The following SGCZ variants were observed in gnomAD, a reference collection of about 807,000 sequenced individuals.
The protein encoded by SGCZ is sarcoglycan zeta.
Under a neutral mutation model 41.3 loss-of-function variants are expected in SGCZ, and 40 were observed. The ratio of observed to expected loss-of-function variants is 0.97; its 90% CI spans 0.75 to 1.26. The LOEUF (loss-of-function observed/expected upper bound fraction) is 1.26. Ranked by LOEUF, SGCZ falls within the 50% of genes most tolerant of loss-of-function variation. The pLI, the probability that SGCZ is intolerant of heterozygous loss-of-function variation, is 0.00. For missense variants in SGCZ, 552 were observed against 369.8 expected, an observed-to-expected ratio of 1.49 and a Z score of -4.04; for synonymous variants, 206 against 137.5, an observed-to-expected ratio of 1.50 and a Z score of -3.49.
chr8:14,479,745 T>TTTTTTTTTTTTTTTTTTTTTTTC (rs1801477073), intron 2 of SGCZ, among the ~76,000 whole-genome samples: 1 of 102,022 alleles, frequency 9.8e-6, no homozygotes, highest in African/African-American at 3.6e-5. Context: ...TTTTTTTTTT[T>TTTTTTTTTTTTTTTTTTTTTTTC]TTTTTTTTTT....
chr8:14,992,154 C>A (rs1287112312), intron 1 of SGCZ, among the ~76,000 whole-genome samples: 2 of 151,198 alleles, frequency 1.3e-5, no homozygotes, highest in East Asian at 3.9e-4. Context: ...ACCTCTCCCC[C>A]ATCATCCTCA....
At chr8:14,879,399 T>C (rs1010010165) in intron 1 of SGCZ, 1 of 151,914 alleles carries the variant, frequency 6.6e-6, no homozygotes, top group African/African-American at 2.4e-5. Flanking sequence ...AAACTAATCA[T>C]AGAACTAGAA....
At chr8:15,064,196 A>G (rs1237927236) in intron 1 of SGCZ, among the ~76,000 whole-genome samples, 2 of 152,162 alleles carry the variant, frequency 1.3e-5, no homozygotes, top group Non-Finnish European at 2.9e-5. Context: ...AAACTCTTGC[A>G]TCTGAATACT....
chr8:14,495,753 C>A (rs543065748), intron 2 of SGCZ, among the ~76,000 whole-genome samples: 139 of 151,436 alleles, frequency 9.2e-4, no homozygotes, highest in African/African-American at 3.1e-3. Flanking sequence ...ATTGCTCCTG[C>A]CATAATGAGA....
intron 1 of SGCZ, among the ~76,000 whole-genome samples, chr8:15,155,926 C>T (rs896546279): frequency 3.3e-5 from 5 of 151,732 alleles, no homozygotes; most frequent in Admixed American, 6.6e-5. Context: ...GGTGTAGTGG[C>T]GCACACCTGT....
chr8:14,141,266 T>A (rs1349193416), intron 5 of SGCZ, among the ~76,000 whole-genome samples: 2 of 152,110 alleles, frequency 1.3e-5, no homozygotes, highest in Non-Finnish European at 2.9e-5. Context: ...GGCAAGAACT[T>A]CAGGACTAAA....
chr8:14,442,394 G>C (rs1800297233), intron 2 of SGCZ, among the ~76,000 whole-genome samples: 1 of 152,146 alleles, frequency 6.6e-6, no homozygotes, highest in Non-Finnish European at 1.5e-5. Flanking sequence ...CCATGATTGT[G>C]AAGCCTCTTC....
chr8:14,157,643 A>G (rs1803918077), intron 5 of SGCZ, among the ~76,000 whole-genome samples: 1 of 152,080 alleles, frequency 6.6e-6, no homozygotes, highest in African/African-American at 2.4e-5. Flanking sequence ...TGTTGAAAGT[A>G]CAGGAAATGT....
In SGCZ at chr8:14,657,100, G is replaced by C. The variant is rs148446358; in HGVS notation, c.40-102174C>G. On this transcript the variant is annotated intron_variant, in intron 1 of 7. Transcript: ENST00000382080. ...ATTTTCAATAACTTTTTAAATTAATGAGGTTTGTAAATGTTTACATATCTT... is the reference window on the plus strand; with the variant it reads ...ATTTTCAATAACTTTTTAAATTAATCAGGTTTGTAAATGTTTACATATCTT... Among the ~76,000 whole-genome samples, 243 of 152,080 alleles carry C rather than the reference G, an allele frequency of 1.6e-3. 2 individuals are homozygous for C. In the South Asian group the frequency reaches 0.017, roughly 11 times the overall value.
At chr8:14,589,533 T>C (rs1042920126) in intron 1 of SGCZ, among the ~76,000 whole-genome samples, 1 of 152,140 alleles carries the variant, frequency 6.6e-6, no homozygotes, top group African/African-American at 2.4e-5. Flanking sequence ...GTTCAGGCAG[T>C]CTTTCAAAAA....
chr8:15,028,480 G>A (rs893413212), intron 1 of SGCZ, among the ~76,000 whole-genome samples: 2 of 147,324 alleles, frequency 1.4e-5, no homozygotes, highest in African/African-American at 5.1e-5. Flanking sequence ...CGTCTAAGTT[G>A]AAGTCAGTTT....
At chr8:14,643,815 A>C (rs1327211617) in intron 1 of SGCZ, among the ~76,000 whole-genome samples, 1 of 151,754 alleles carries the variant, frequency 6.6e-6, no homozygotes, top group African/African-American at 2.4e-5. Flanking sequence ...GGTTGCCTCT[A>C]TCATGAGTCA....
At chr8:15,098,544 T>C (rs1460161262) in intron 1 of SGCZ, among the ~76,000 whole-genome samples, 3 of 152,336 alleles carry the variant, frequency 2.0e-5, no homozygotes, top group East Asian at 1.9e-4. Flanking sequence ...AGTAAGTATA[T>C]CTTATAAAAT....
intron 1 of SGCZ, among the ~76,000 whole-genome samples, chr8:15,223,862 T>G (rs950641966): frequency 6.6e-6 from 1 of 151,356 alleles, no homozygotes; most frequent in East Asian, 1.9e-4. Context: ...AAATTTTTAT[T>G]TATTTATTTA....
chr8:14,916,461 G>A (rs1318999397), intron 1 of SGCZ, among the ~76,000 whole-genome samples: 1 of 152,186 alleles, frequency 6.6e-6, no homozygotes, highest in Non-Finnish European at 1.5e-5. Context: ...ATGTAGATAT[G>A]ATAATGTGGT....
chr8:14,569,843 G>A (rs80112378), intron 1 of SGCZ, among the ~76,000 whole-genome samples: 3 of 152,208 alleles, frequency 2.0e-5, no homozygotes, highest in African/African-American at 7.2e-5. Context: ...TGAAATACTT[G>A]TTCAGGGTGG....
intron 3 of SGCZ, among the ~76,000 whole-genome samples, chr8:14,293,671 A>ATT: frequency 6.6e-6 from 1 of 151,942 alleles, no homozygotes; most frequent in Non-Finnish European, 1.5e-5. Flanking sequence ...AGGTTAATTA[A>ATT]CGACTGAAAT....
chr8:14,104,107 T>C lies in SGCZ; in HGVS notation c.621-1608A>G, dbSNP rs373117490. Among the ~76,000 whole-genome samples, 6 of 152,166 alleles carry C rather than the reference T, an allele frequency of 3.9e-5. No homozygotes were observed. In the East Asian group the frequency reaches 1.2e-3, roughly 29 times the overall value. ...GTTTTCAATTAAACTATTCATGTTATTATAAAATATCGTCTAAAAAGCCTG... is the reference window on the plus strand; with the variant it reads ...GTTTTCAATTAAACTATTCATGTTACTATAAAATATCGTCTAAAAAGCCTG... On this transcript the variant is annotated intron_variant, in intron 6 of 7. Transcript: ENST00000382080.
At chr8:14,132,974 G>A (rs1397397147) in intron 5 of SGCZ, among the ~76,000 whole-genome samples, 1 of 152,064 alleles carries the variant, frequency 6.6e-6, no homozygotes, top group Admixed American at 6.6e-5. Context: ...AGTGTTTTGA[G>A]AAGATTTCCT....
Sources: gnomAD v4.1 joint callset for allele counts (sites outside exome capture counted in the v4.1 genomes callset) on GRCh38, gnomAD v4.1.1 for gene constraint, MANE v1.5 for transcripts, NCBI Gene and HGNC (gene_info 2026-07-23, HGNC 2026-07-21) for gene names.